Variants in SUCLA2 observed in about 807,000 individuals in gnomAD.
SUCLA2 encodes the protein succinate--CoA ligase [ADP-forming] subunit beta, mitochondrial.
A neutral mutation model predicts 54.8 loss-of-function variants in SUCLA2; 30 were observed. The observed-to-expected ratio is 0.55, with a 90% CI of 0.41 to 0.74. The LOEUF (loss-of-function observed/expected upper bound fraction) is 0.74. Among genes scored for constraint, SUCLA2 ranks in the 30% least tolerant of loss-of-function variants. SUCLA2 has a pLI of 0.00. For synonymous variants in SUCLA2, 172 were observed against 188.9 expected (o/e 0.91, Z 0.74); for missense variants, 476 against 562.9 (o/e 0.85, Z 1.56).
chr13:47,989,462 C>T (rs563994651), intron 2 of SUCLA2, among the ~76,000 whole-genome samples: 1 of 152,132 alleles, frequency 6.6e-6, no homozygotes, highest in East Asian at 1.9e-4. Context: ...CTGCCCACCT[C>T]GGCCTCCCAA....
chr13:47,980,450 C>A (rs950412125), intron 4 of SUCLA2, among the ~76,000 whole-genome samples: 17 of 151,790 alleles, frequency 1.1e-4, no homozygotes, highest in African/African-American at 3.9e-4. Flanking sequence ...AATAAAAAGA[C>A]ACAAACAAAT....
chr13:47,954,124 C>G lies in SUCLA2; in HGVS notation c.1107+16G>C. ...ATATTTACATGATATAAAAATATAT[C>G]AAGCCCTGCCCTTACCTTTTTATCT... On this transcript the variant is annotated intron_variant, in intron 8 of 10. Coordinates refer to ENST00000646932, the MANE Select transcript of SUCLA2 (RefSeq NM_003850.3). The G allele has an allele frequency of 6.2e-7, 1 of 1,604,104 alleles. No homozygotes were observed. Among genetic ancestry groups the G allele is most frequent in the Non-Finnish European group, 8.5e-7 (1 of 1,174,882 alleles).
chr13:47,945,385 TG>T (rs1253115619), intron 10 of SUCLA2, among the ~76,000 whole-genome samples: 1 of 131,184 alleles, frequency 7.6e-6, no homozygotes, highest in Non-Finnish European at 1.5e-5. Context: ...ATCACGCCAC[TG>T]TACTCCAGCC....
At chr13:47,968,509 C>A (rs1160600160) in intron 6 of SUCLA2, 86 bp downstream of exon 6, 1 of 1,504,480 alleles carries the variant, frequency 6.6e-7, no homozygotes, top group African/African-American at 1.4e-5. Flanking sequence ...AGTTTAACTA[C>A]TTTAACTTCT....
intron 6 of SUCLA2, among the ~76,000 whole-genome samples, chr13:47,957,322 G>C (rs1949829390): frequency 6.6e-6 from 1 of 152,186 alleles, no homozygotes; most frequent in African/African-American, 2.4e-5. Flanking sequence ...TTGGCTTTCT[G>C]TGTGGCGAGC....
intron 6 of SUCLA2, 100 bp from the exon 7 acceptor site, chr13:47,954,657 T>A: frequency 8.2e-7 from 1 of 1,215,046 alleles, no homozygotes; most frequent in African/African-American, 1.5e-5. Flanking sequence ...AGACACATTT[T>A]AATTTTGTTA....
chr13:47,955,662 C>T (rs1168090870), intron 6 of SUCLA2, among the ~76,000 whole-genome samples: 1 of 150,734 alleles, frequency 6.6e-6, no homozygotes, highest in Non-Finnish European at 1.5e-5. Context: ...TAAATGCCAA[C>T]CCCTGTGCTT....
rs1949937819 is a variant in SUCLA2, at chr13:47,968,650, T to A, written c.747A>T (p.Lys249Asn). The change falls in exon 6 of 11, where the codon AAA becomes AAT. Residue 249 changes from lysine to asparagine, a missense_variant. Physicochemically the swap from Lys to Asn is moderately conservative, Grantham distance 94. Coordinates refer to ENST00000646932, the MANE Select transcript of SUCLA2 (RefSeq NM_003850.3). ...NMVKLYSLFL[K>N]YDATMIEINP... The stretch of plus-strand genomic sequence containing the variant: ...TTATTTCTATCATGGTTGCATCGTA[T>A]TTCAGAAAAAGGCTGTAAAGCTTGA... 1.2e-6 allele frequency: 2 copies of A among 1,611,776 alleles called. No individual in the cohort carries two copies. Among genetic ancestry groups the A allele is most frequent in the Non-Finnish European group, 1.7e-6 (2 of 1,179,816 alleles).
chr13:47,998,006 T>G (rs746907681), intron 1 of SUCLA2, among the ~76,000 whole-genome samples: 5 of 152,166 alleles, frequency 3.3e-5, no homozygotes, highest in Non-Finnish European at 5.9e-5. Flanking sequence ...GTCTTACAAA[T>G]CAATCATATA....
intron 6 of SUCLA2, among the ~76,000 whole-genome samples, chr13:47,960,804 C>T (rs545296848): frequency 2.0e-5 from 3 of 152,134 alleles, no homozygotes; most frequent in Admixed American, 6.5e-5. Context: ...GTGCAGGTGT[C>T]GCACTGGTTT....
chr13:47,978,752 T>A (rs1477508237), intron 4 of SUCLA2, among the ~76,000 whole-genome samples: 1 of 151,940 alleles, frequency 6.6e-6, no homozygotes, highest in East Asian at 1.9e-4. Flanking sequence ...TGGGAGAAAA[T>A]TTTTGCAATC....
Position 47,988,590 on chromosome 13 carries a change from T to C in SUCLA2, c.485A>G (p.Tyr162Cys). ...CNQVLVCERKYPRREYYFAIT... is the reference protein window; with the variant it reads ...CNQVLVCERKCPRREYYFAIT... ...TGCAAAGTAGTATTCTCTCCTGGGA[T>C]ATTTTCGCTCACAGACCAATACTTG... Residue 162 changes from tyrosine to cysteine, a missense_variant, in exon 4 of 11, where the codon TAT becomes TGT. Around this residue, in one of 2 missense-constraint regions of SUCLA2, gnomAD observed 342 missense variants for 444.2 expected, o/e 0.77. Transcript: ENST00000646932. 3 of 1,613,992 alleles carry C rather than the reference T, an allele frequency of 1.9e-6. No homozygotes were observed. The highest frequency in any genetic ancestry group is 1.7e-6 in the Non-Finnish European group (2 of 1,179,954).
At chr13:47,966,297 C>T (rs1468235403) in intron 6 of SUCLA2, among the ~76,000 whole-genome samples, 1 of 152,020 alleles carries the variant, frequency 6.6e-6, no homozygotes, top group African/African-American at 2.4e-5. Flanking sequence ...GAAAAAAGCA[C>T]ACATGGTACC....
At chr13:47,992,587 T>C (rs1200604658) in intron 2 of SUCLA2, among the ~76,000 whole-genome samples, 1 of 152,190 alleles carries the variant, frequency 6.6e-6, no homozygotes, top group African/African-American at 2.4e-5. Flanking sequence ...GTGAGACCTC[T>C]CCTGCCCTCA....
At chr13:47,981,739 C>T (rs1259089663) in intron 4 of SUCLA2, among the ~76,000 whole-genome samples, 1 of 152,196 alleles carries the variant, frequency 6.6e-6, no homozygotes, top group Admixed American at 6.5e-5. Context: ...TCACTTGAAC[C>T]CAGGAGGCGG....
intron 4 of SUCLA2, among the ~76,000 whole-genome samples, chr13:47,974,090 A>T (rs1010060835): frequency 0.019 from 254 of 13,430 alleles, no homozygotes; most frequent in Non-Finnish European, 0.071. Context: ...AGTATAATTA[A>T]AAAAAAAAAG....
At chr13:47,943,525 T>G in intron 10 of SUCLA2, 80 bp from the exon 11 acceptor site, 3 of 1,291,658 alleles carry the variant, frequency 2.3e-6, no homozygotes, top group Non-Finnish European at 3.4e-6. Flanking sequence ...GTACACTCAA[T>G]TTTTTCCATT....
chr13:47,971,553 T>A (rs1013096299), intron 5 of SUCLA2: 10 of 260,708 alleles, frequency 3.8e-5, no homozygotes, highest in Admixed American at 1.1e-4. Context: ...GGGGCTTTTT[T>A]TTAGTGGGGG....
intron 8 of SUCLA2, among the ~76,000 whole-genome samples, chr13:47,951,666 T>C (rs1288283731): frequency 6.6e-6 from 1 of 152,156 alleles, no homozygotes; most frequent in Admixed American, 6.5e-5. Context: ...ACTCTCTTCA[T>C]AAGCCTTCTA....
Sources: gnomAD v4.1 joint callset for allele counts (sites outside exome capture counted in the v4.1 genomes callset) on GRCh38, gnomAD v4.1.1 for gene constraint, gnomAD v4.1.1 regional missense constraint, MANE v1.5 for transcripts, NCBI Gene and HGNC (gene_info 2026-07-23, HGNC 2026-07-21) for gene names.